Variants in FBF1 observed in about 807,000 individuals in gnomAD.
The protein encoded by FBF1 is fas-binding factor 1.
Under a neutral mutation model 147.2 loss-of-function variants are expected in FBF1, and 119 were observed. The ratio of observed to expected loss-of-function variants is 0.81; its 90% CI spans 0.70 to 0.94. The LOEUF (loss-of-function observed/expected upper bound fraction) is 0.94, where lower values mean the gene tolerates loss of function less well. Ranked by LOEUF, FBF1 falls within the 40% of genes least tolerant of loss-of-function variation. FBF1 has a pLI of 0.00. For synonymous variants in FBF1, 601 were observed against 609.0 expected (o/e 0.99, Z 0.19); for missense variants, 1,449 against 1,500.8 (o/e 0.97, Z 0.57).
In FBF1 at chr17:75,918,266, C is replaced by G. The variant is rs554571588; in HGVS notation, c.2142G>C (p.Ala714=). 6.2e-7 allele frequency: 1 copy of G among 1,612,062 alleles called. No homozygotes were observed. Among genetic ancestry groups the G allele is most frequent in the African/African-American group, 1.3e-5 (1 of 75,050 alleles). ...EMERLRELQR[A]SILDMRRDHE... is the part of the protein sequence containing the mutation. ...GGTCTCTGCGCATGTCTAGGATGGA[C>G]GCCCTGAGGGGAGGCGGGAGGGGAA... Residue 714 remains alanine (A), a synonymous_variant, in exon 21 of 30, where the codon GCG becomes GCC. Transcript: ENST00000636174. The surrounding 1 kb of genome is among the most constrained non-coding windows in gnomAD (Gnocchi z 5.8).
Position 75,920,329 on chromosome 17 carries a change from T to G in FBF1, c.1775A>C (p.Glu592Ala), listed in dbSNP as rs2065517536. 1 of 1,610,516 alleles carries G rather than the reference T, an allele frequency of 6.2e-7. No individual in the cohort carries two copies. Among genetic ancestry groups the G allele is most frequent in the African/African-American group, 1.3e-5 (1 of 74,876 alleles). Residue 592 changes from glutamate to alanine, a missense_variant, in exon 18 of 30, where the codon GAG becomes GCG. Glu to Ala is a moderately radical substitution (Grantham distance 107). Coordinates refer to ENST00000636174, the MANE Select transcript of FBF1 (RefSeq NM_001319193.2). ...GCTATGCAGCAGCTCGGCCTGGAGC[T>G]CAGCGGGGCTGCACTGAAGTTGCAC... Reference protein sequence around the residue: ...AQVQLQCSPAELQAELLHSQA... With the variant: ...AQVQLQCSPAALQAELLHSQA...
chr17:75,928,088 G>GGT lies in FBF1; in HGVS notation c.383_384dup (p.Pro129ThrfsTer37), dbSNP rs764195120. ...GCTACTGACCCACCTGCAGGCTTGG[G>GGT]GTGGTTGGGCAGCTCTCCTTTCCCA... On this transcript the variant is annotated frameshift_variant, in exon 8 of 30. Coordinates refer to ENST00000636174, the MANE Select transcript of FBF1 (RefSeq NM_001319193.2). LOFTEE classifies it high-confidence loss of function. This position sits in a 1 kb window ranked among gnomAD's most constrained non-coding sequence, Gnocchi z 4.2. 6.2e-7 allele frequency: 1 copy of GGT among 1,613,428 alleles called. No individual in the cohort carries two copies. Among genetic ancestry groups the GGT allele is most frequent in the South Asian group, 1.1e-5 (1 of 91,050 alleles).
In FBF1 at chr17:75,926,008, C is replaced by A. The variant is rs533404840; in HGVS notation, c.868+22G>T. 5 of 1,587,916 alleles carry A rather than the reference C, an allele frequency of 3.1e-6. No individual in the cohort carries two copies. The African/African-American group carries it at 4.0e-5, about 13-fold the overall frequency. ...TAGAGGCCTCCCTCCCGTCCTGTTG[C>A]GGCCCCCGCAAGCCTCCTTACCCTG... On this transcript the variant is annotated intron_variant, in intron 12 of 29. Coordinates refer to ENST00000636174, the MANE Select transcript of FBF1 (RefSeq NM_001319193.2).
intron 4 of FBF1, 69 bp downstream of exon 4, chr17:75,935,563 G>A: frequency 6.8e-7 from 1 of 1,461,982 alleles, no homozygotes; most frequent in South Asian, 1.2e-5. Context: ...ACCAGCCTGG[G>A]CAACATAGTA....
At chr17:75,933,226 TCA>T (rs2065605063) in intron 4 of FBF1, 138 bp from the exon 5 acceptor site, 2 of 579,370 alleles carry the variant, frequency 3.5e-6, no homozygotes, top group Non-Finnish European at 6.0e-6. Flanking sequence ...GGTCCCAATG[TCA>T]CCCCTTGGAA....
chr17:75,913,779 C>T lies in FBF1; in HGVS notation c.3170G>A (p.Arg1057His), dbSNP rs756674315. 3 of 1,605,742 alleles carry T rather than the reference C, an allele frequency of 1.9e-6. No individual in the cohort carries two copies. The highest frequency in any genetic ancestry group is 2.5e-6 in the Non-Finnish European group (3 of 1,179,320). ...SLAQQRLQLD[R>H]ARQDLPSSLV... is the part of the protein sequence containing the mutation. ...GCTAGAGGGCAGGTCCTGTCGTGCG[C>T]GGTCCAGTTGCAGCCTCTGCTGGGC... Residue 1057 changes from arginine (R) to histidine (H), a missense_variant, in exon 28 of 30, where the codon CGC (arginine) becomes CAC (histidine). By Grantham distance (29) the Arg-to-His change is conservative. Transcript: ENST00000636174.
rs1220112992 is a variant in FBF1 at position 75,913,983 on chromosome 17, T to C, written c.3059A>G (p.Gln1020Arg). Residue 1020 changes from glutamine (Q) to arginine (R), a missense_variant, in exon 27 of 30, where the codon CAG becomes CGG. Transcript: ENST00000636174. ...LREAQQVQAE[Q>R]QARLQAVQQQ... ...CTGCACCGCCTGCAACCGGGCCTGC[T>C]GCTCTGCCTGCACCTGCTGGGCCTC... 4 of 1,566,882 alleles carry C rather than the reference T, an allele frequency of 2.6e-6. No homozygotes were observed. The highest frequency in any genetic ancestry group is 3.4e-6 in the Non-Finnish European group (4 of 1,163,200).
chr17:75,922,301 C>T lies in FBF1; in HGVS notation c.1425-255G>A, dbSNP rs184867977. Among the ~76,000 whole-genome samples, 4 of 152,218 alleles carry T rather than the reference C, an allele frequency of 2.6e-5. No individual in the cohort carries two copies. Among genetic ancestry groups the T allele is most frequent in the Non-Finnish European group, 2.9e-5 (2 of 68,024 alleles). On this transcript the variant is annotated intron_variant, in intron 14 of 29. Coordinates refer to ENST00000636174, the MANE Select transcript of FBF1 (RefSeq NM_001319193.2). This position sits in a 1 kb window ranked among gnomAD's most constrained non-coding sequence, Gnocchi z 5.0. ...ATGGACACTGTCCAAGCAGTGACAACGGAAATGTTATAGACACTGGAGTCA... is the reference window on the plus strand; with the variant it reads ...ATGGACACTGTCCAAGCAGTGACAATGGAAATGTTATAGACACTGGAGTCA...
At position 75,918,045 on chromosome 17, in the gene FBF1, T is replaced by C; in HGVS notation, c.2272A>G (p.Met758Val). 6.2e-7 allele frequency: 1 copy of C among 1,611,224 alleles called. No individual in the cohort carries two copies. The highest frequency in any genetic ancestry group is 1.1e-5 in the South Asian group (1 of 90,638). The change falls in exon 22 of 30, where the codon ATG becomes GTG. Residue 758 changes from methionine to valine, a missense_variant. Coordinates refer to ENST00000636174, the MANE Select transcript of FBF1 (RefSeq NM_001319193.2). This position sits in a 1 kb window ranked among gnomAD's most constrained non-coding sequence, Gnocchi z 5.8. Reference sequence around the variant, plus strand: ...TGCAGGCTGCTGGAGAACTTCTCCATCTGGTGGATGATGCTATTCAGGGAC... The same window carrying C: ...TGCAGGCTGCTGGAGAACTTCTCCACCTGGTGGATGATGCTATTCAGGGAC... ...TRSLNSIIHQ[M>V]EKFSSSLHEL...
chr17:75,934,441 A>G lies in FBF1; in HGVS notation c.73+1191T>C, dbSNP rs149806386. Among the ~76,000 whole-genome samples the G allele has an allele frequency of 5.7e-3, 863 of 151,508 alleles. 11 individuals carry two copies. Among genetic ancestry groups the G allele is most frequent in the African/African-American group, 0.02 (807 of 41,196 alleles). On this transcript the variant is annotated intron_variant, in intron 4 of 29. Transcript: ENST00000636174. ...CTGGTTGTGGTGGTGCATGCCTGTA[A>G]CCCCAGCTACTTGGGAAGCTGAGGC...
At chr17:75,921,922 C>G in intron 15 of FBF1, 23 bp downstream of exon 15, 1 of 1,544,274 alleles carries the variant, frequency 6.5e-7, no homozygotes. Flanking sequence ...CTCATTCCCA[C>G]TCAGCCCGCA....
In FBF1 at chr17:75,926,800, T is replaced by C; in HGVS notation, c.553A>G (p.Lys185Glu). 2 of 1,613,958 alleles carry C rather than the reference T, an allele frequency of 1.2e-6. No homozygotes were observed. The highest frequency in any genetic ancestry group is 1.6e-4 in the Middle Eastern group (1 of 6,062). The stretch of plus-strand genomic sequence containing the variant: ...CTGGGGCTCTTGTCAGAAGCTGTTT[T>C]ACTCTGTGTCACAGGCGGCTGCTTG... The part of the protein sequence containing the change: ...ITKQPPVTQS[K>E]TASDKSPSTV... The change falls in exon 10 of 30, where the codon AAA becomes GAA. Residue 185 changes from lysine to glutamate, a missense_variant. Lys to Glu is a moderately conservative substitution (Grantham distance 56). Coordinates refer to ENST00000636174, the MANE Select transcript of FBF1 (RefSeq NM_001319193.2).
chr17:75,921,531 G>A lies in FBF1; in HGVS notation c.1556C>T (p.Ser519Leu). Residue 519 changes from serine to leucine, a missense_variant, in exon 16 of 30, where the codon TCA becomes TTA. Transcript: ENST00000636174. ...GSPVTQNHAASALPTGSPKRG... is the reference protein window; with the variant it reads ...GSPVTQNHAALALPTGSPKRG... ...CTTTGGGGAACCTGTAGGGAGTGCT[G>A]AGGCGGCATGGTTCTGAGTCACAGG... 1 of 1,613,044 alleles carries A rather than the reference G, an allele frequency of 6.2e-7. No homozygotes were observed. Among genetic ancestry groups the A allele is most frequent in the Non-Finnish European group, 8.5e-7 (1 of 1,179,600 alleles).
Position 75,933,038 on chromosome 17 carries a change from T to A in FBF1, c.124A>T (p.Thr42Ser). 3 of 1,608,442 alleles carry A rather than the reference T, an allele frequency of 1.9e-6. No homozygotes were observed. Among genetic ancestry groups the A allele is most frequent in the Non-Finnish European group, 2.6e-6 (3 of 1,175,416 alleles). ...GAAGGGAACATCTGAGATACACCTG[T>A]GGTGTCTCTGGTATGTGAAGCTAGT... ...VKLASHTRDTTGVSQMFPSSK... is the reference protein window; with the variant it reads ...VKLASHTRDTSGVSQMFPSSK... The change falls in exon 5 of 30, where the codon ACA (threonine) becomes TCA (serine). Residue 42 changes from threonine to serine, a missense_variant. By Grantham distance (58) the Thr-to-Ser change is moderately conservative. Coordinates refer to ENST00000636174, the MANE Select transcript of FBF1 (RefSeq NM_001319193.2).
intron 3 of FBF1, among the ~76,000 whole-genome samples, chr17:75,936,603 A>T (rs1168128332): frequency 6.6e-6 from 1 of 152,072 alleles, no homozygotes; most frequent in East Asian, 1.9e-4. Context: ...TGAAACTGGG[A>T]GGCAGAGGTT....
chr17:75,927,926 C>T (rs1417983739), intron 8 of FBF1, 150 bp downstream of exon 8: 14 of 651,924 alleles, frequency 2.1e-5, no homozygotes, highest in Non-Finnish European at 3.2e-5. Flanking sequence ...AACACACACA[C>T]GCACAAATGC....
chr17:75,914,563 G>C, intron 25 of FBF1, 184 bp downstream of exon 25: 1 of 817,384 alleles, frequency 1.2e-6, no homozygotes, highest in Admixed American at 3.0e-5. Flanking sequence ...AATAAAATGT[G>C]TATAATGCAC....
intron 4 of FBF1, among the ~76,000 whole-genome samples, chr17:75,935,204 G>A (rs955545079): frequency 1.8e-4 from 27 of 147,438 alleles, no homozygotes; most frequent in African/African-American, 5.8e-4. Flanking sequence ...TCGCTCTGTC[G>A]CACAGGCTGG....
At position 75,910,049 on chromosome 17, in the gene FBF1, G is replaced by A. The variant is rs1267972710; in HGVS notation, c.*674C>T. 1.2e-5 allele frequency: 8 copies of A among 641,804 alleles called. No individual in the cohort carries two copies. The highest frequency in any genetic ancestry group is 2.3e-5 in the Non-Finnish European group (8 of 346,876). The allele number at this position is 641,804 out of a possible 1,614,324, so 39.8% of individuals were successfully genotyped here. A position where few individuals can be genotyped will look rare whatever the true frequency, so the allele number is the denominator to read the frequency against. On this transcript the variant is annotated 3_prime_UTR_variant, in exon 30 of 30. Coordinates refer to ENST00000636174, the MANE Select transcript of FBF1 (RefSeq NM_001319193.2). The surrounding 1 kb of genome is among the most constrained non-coding windows in gnomAD (Gnocchi z 4.1). The stretch of plus-strand genomic sequence containing the variant: ...CACCATCGCCACAGCTCCCTCCGCC[G>A]CCGGTGGGGCACCCAGATGGGGAGG...
Sources: gnomAD v4.1 joint callset for allele counts (sites outside exome capture counted in the v4.1 genomes callset) on GRCh38, gnomAD v4.1.1 for gene constraint, Gnocchi (gnomAD v3.1) non-coding constraint, MANE v1.5 for transcripts, NCBI Gene and HGNC (gene_info 2026-07-23, HGNC 2026-07-21) for gene names.